The following SMOC2 variants were observed in gnomAD, a reference collection of about 807,000 sequenced individuals.
The protein encoded by SMOC2 is SPARC-related modular calcium-binding protein 2.
Under a neutral mutation model 61.4 loss-of-function variants are expected in SMOC2, and 39 were observed. The ratio of observed to expected loss-of-function variants is 0.64; its 90% CI spans 0.49 to 0.83. The LOEUF is 0.83. Ranked by LOEUF, SMOC2 falls within the 40% of genes least tolerant of loss-of-function variation. The pLI is 0.00. For synonymous variants in SMOC2, 247 were observed against 239.9 expected (o/e 1.03, Z -0.27); for missense variants, 556 against 592.9 (o/e 0.94, Z 0.65).
chr6:168,628,107 C>T (rs758526611), intron 9 of SMOC2, among the ~76,000 whole-genome samples: 2 of 152,188 alleles, frequency 1.3e-5, no homozygotes, highest in African/African-American at 2.4e-5. Context: ...CCTCCCTGGG[C>T]GCGCCTGTGG....
At chr6:168,551,740 C>G (rs1784134898) in intron 7 of SMOC2, among the ~76,000 whole-genome samples, 4 of 152,328 alleles carry the variant, frequency 2.6e-5, no homozygotes, top group Admixed American at 2.6e-4. Flanking sequence ...GGGCGTGAGC[C>G]ACCATGCCAG....
chr6:168,502,741 A>T (rs144143457), intron 1 of SMOC2, among the ~76,000 whole-genome samples: 148 of 35,990 alleles, frequency 4.1e-3, no homozygotes, highest in Admixed American at 9.7e-3. Context: ...TTTTATTTTA[A>T]TTTAATTTAA....
chr6:168,447,953 A>T (rs1439777173), intron 1 of SMOC2, among the ~76,000 whole-genome samples: 1 of 152,112 alleles, frequency 6.6e-6, no homozygotes, highest in East Asian at 1.9e-4. Flanking sequence ...TCCACCCTGC[A>T]TACCAGCTGG....
chr6:168,625,481 T>C (rs1038617961), intron 9 of SMOC2, among the ~76,000 whole-genome samples: 6 of 152,334 alleles, frequency 3.9e-5, no homozygotes, highest in African/African-American at 9.6e-5. Flanking sequence ...CGCATGGCGT[T>C]CTTGGGATTC....
chr6:168,641,967 T>C (rs186531689), intron 9 of SMOC2, among the ~76,000 whole-genome samples: 5 of 152,322 alleles, frequency 3.3e-5, no homozygotes, highest in Admixed American at 3.3e-4. Flanking sequence ...ATAGAAAATA[T>C]AGAAAAGTAG....
intron 7 of SMOC2, among the ~76,000 whole-genome samples, chr6:168,549,587 T>A (rs1229512719): frequency 1.3e-5 from 2 of 152,102 alleles, no homozygotes; most frequent in African/African-American, 4.8e-5. Flanking sequence ...TCACGTTGAG[T>A]GGGCTGAGGA....
chr6:168,487,409 C>T (rs187335924), intron 1 of SMOC2, among the ~76,000 whole-genome samples: 3 of 152,302 alleles, frequency 2.0e-5, no homozygotes, highest in Non-Finnish European at 4.4e-5. Context: ...TTGGGAATTG[C>T]TTCTATATGG....
intron 9 of SMOC2, among the ~76,000 whole-genome samples, chr6:168,614,158 C>T (rs868232554): frequency 2.6e-5 from 2 of 76,288 alleles, no homozygotes; most frequent in African/African-American, 5.4e-5. Context: ...CCTCTTCACA[C>T]CTACAGCCAG....
chr6:168,468,406 G>C (rs1414319108), intron 1 of SMOC2, among the ~76,000 whole-genome samples: 1 of 152,196 alleles, frequency 6.6e-6, no homozygotes, highest in African/African-American at 2.4e-5. Flanking sequence ...AGAATGTGCA[G>C]ATGTTCCTTA....
chr6:168,574,347 C>G (rs1304907616), intron 7 of SMOC2, among the ~76,000 whole-genome samples: 1 of 152,214 alleles, frequency 6.6e-6, no homozygotes, highest in African/African-American at 2.4e-5. Flanking sequence ...AGGGCTGAGG[C>G]AGCAGGCCGG....
At chr6:168,599,298 ACC>A (rs1785435655) in intron 8 of SMOC2, among the ~76,000 whole-genome samples, 1 of 61,068 alleles carries the variant, frequency 1.6e-5, no homozygotes. Flanking sequence ...ACACACACAT[ACC>A]ACACACACAC....
chr6:168,442,485 A>G (rs568171626), intron 1 of SMOC2, among the ~76,000 whole-genome samples: 82 of 152,374 alleles, frequency 5.4e-4, no homozygotes, highest in African/African-American at 1.8e-3. Context: ...CCCATCATTA[A>G]TGCAATCGCC....
At chr6:168,589,720 G>C (rs111728659) in intron 7 of SMOC2, among the ~76,000 whole-genome samples, 1 of 109,752 alleles carries the variant, frequency 9.1e-6, no homozygotes, top group East Asian at 2.5e-4. Flanking sequence ...CATTAGTTTA[G>C]GGGGCAGCCG....
At chr6:168,459,403 G>A (rs954159122) in intron 1 of SMOC2, among the ~76,000 whole-genome samples, 3 of 152,160 alleles carry the variant, frequency 2.0e-5, no homozygotes, top group Non-Finnish European at 2.9e-5. Flanking sequence ...TGCCGCATCG[G>A]GAAGGGTATT....
In SMOC2 at chr6:168,667,849, G is replaced by A. The variant is rs879891482; in HGVS notation, c.*1411G>A. 3 of 152,184 alleles carry A rather than the reference G, an allele frequency of 2.0e-5. No homozygotes were observed. The highest frequency in any genetic ancestry group is 1.3e-4 in the Admixed American group (2 of 15,278). The allele number at this position is 152,184 out of a possible 1,614,324, so 9.4% of individuals were successfully genotyped here. A position where few individuals can be genotyped will look rare whatever the true frequency, so the allele number is the denominator to read the frequency against. On this transcript the variant is annotated 3_prime_UTR_variant, in exon 13 of 13. Transcript: ENST00000356284. ...TGTGCAAGGTAAAAATCAAGCCTTT[G>A]GAGCCACAGAACCAGCTCAAGTACA...
rs1411402479 is a variant in SMOC2, at chr6:168,623,428, C to T, written c.907+15189C>T. Among the ~76,000 whole-genome samples, 3 of 149,556 alleles carry T rather than the reference C, an allele frequency of 2.0e-5. No homozygotes were observed. The Admixed American group carries it at 2.0e-4, about 10-fold the overall frequency. Reference sequence around the variant, plus strand: ...TCACTGCAACCTTCCCGGGTTCAAGCAATTCTCCCGCCTCAGCCTCCGAGT... The same window carrying T: ...TCACTGCAACCTTCCCGGGTTCAAGTAATTCTCCCGCCTCAGCCTCCGAGT... On this transcript the variant is annotated intron_variant, in intron 9 of 12. Transcript: ENST00000356284.
rs181262147 is a variant in SMOC2 at position 168,469,907 on chromosome 6, T to C, written c.84+28453T>C. ...TTCTCGTTGTCTTGGGTTGGAAGAC[T>C]AAATTAGAAACAATAATTTTCTCTA... On this transcript the variant is annotated intron_variant, in intron 1 of 12. Coordinates refer to ENST00000356284, the MANE Select transcript of SMOC2 (RefSeq NM_001166412.2). Among the ~76,000 whole-genome samples, 355 of 152,396 alleles carry C rather than the reference T, an allele frequency of 2.3e-3. 1 individual carries two copies. The highest frequency in any genetic ancestry group is 0.01 in the Middle Eastern group (3 of 294).
chr6:168,502,656 T>C (rs925585750), intron 1 of SMOC2, among the ~76,000 whole-genome samples: 68 of 152,230 alleles, frequency 4.5e-4, no homozygotes, highest in Admixed American at 1.8e-3. Flanking sequence ...CTCAGACTCT[T>C]AAACTTACTA....
rs1781518944 is a variant in SMOC2, at chr6:168,453,790, T to C, written c.84+12336T>C. Among the ~76,000 whole-genome samples, 1 of 151,994 alleles carries C rather than the reference T, an allele frequency of 6.6e-6. No individual in the cohort carries two copies. Among genetic ancestry groups the C allele is most frequent in the South Asian group, 2.1e-4 (1 of 4,818 alleles). ...CTGTCTCTCTGATTCTATCTCTTGGTCTCTGTCATTCTCCATCTCTGTCCT... is the reference window on the plus strand; with the variant it reads ...CTGTCTCTCTGATTCTATCTCTTGGCCTCTGTCATTCTCCATCTCTGTCCT... On this transcript the variant is annotated intron_variant, in intron 1 of 12. Transcript: ENST00000356284. This position sits in a 1 kb window ranked among gnomAD's most constrained non-coding sequence, Gnocchi z 4.4.
Sources: allele counts gnomAD v4.1 joint callset (sites outside exome capture counted in the v4.1 genomes callset), GRCh38; gene constraint gnomAD v4.1.1; non-coding constraint Gnocchi (gnomAD v3.1); transcripts MANE v1.5; gene names NCBI Gene and HGNC (gene_info 2026-07-23, HGNC 2026-07-21).